Variants in WDR1 observed in about 807,000 individuals in gnomAD.
The protein encoded by WDR1 is WD repeat domain 1, also known as WD repeat-containing protein 1.
Under a neutral mutation model 71.9 loss-of-function variants are expected in WDR1, and 21 were observed. The ratio of observed to expected loss-of-function variants is 0.29; its 90% confidence interval spans 0.21 to 0.42. The LOEUF is 0.42. Ranked by LOEUF, WDR1 falls within the 10% of genes least tolerant of loss-of-function variation. The pLI is 1.00. For synonymous variants in WDR1, 424 were observed against 347.4 expected, an observed-to-expected ratio of 1.22 and a Z score of -2.45; for missense variants, 696 against 824.5, an observed-to-expected ratio of 0.84 and a Z score of 1.91.
intron 5 of WDR1, chr4:10,094,790 C>G (rs1712223132): frequency 6.6e-6 from 1 of 152,230 alleles, no homozygotes; most frequent in Non-Finnish European, 1.5e-5. Flanking sequence ...CAAATGAAGA[C>G]CAAAGCTGGG....
In WDR1 at chr4:10,077,462, G is replaced by T; in HGVS notation, c.1570-14C>A. The T allele has an allele frequency of 1.2e-6, 2 of 1,613,932 alleles. No individual in the cohort carries two copies. Among genetic ancestry groups the T allele is most frequent in the South Asian group, 1.1e-5 (1 of 91,078 alleles). ...AACATTGTTCTCCTAGTTGCAGGTT[G>T]AAAACAAGAGAGGTGGCAGGTCAGG... On this transcript the variant is annotated splice_polypyrimidine_tract_variant and intron_variant, in intron 13 of 14. Coordinates refer to ENST00000499869, the MANE Select transcript of WDR1 (RefSeq NM_017491.5).
intron 2 of WDR1, among the ~76,000 whole-genome samples, chr4:10,111,613 TG>T (rs1713369061): frequency 6.6e-6 from 1 of 152,158 alleles, no homozygotes; most frequent in Admixed American, 6.5e-5. Flanking sequence ...CACAGGCCAA[TG>T]GCCATCTGGA....
chr4:10,097,623 G>A (rs748086547), intron 5 of WDR1, 88 bp downstream of exon 5: 11 of 1,457,912 alleles, frequency 7.5e-6, no homozygotes, highest in Non-Finnish European at 1.0e-5. Flanking sequence ...ATGTGCTGTG[G>A]TCTCTGCCAT....
intron 6 of WDR1, 74 bp from the exon 7 acceptor site, chr4:10,088,447 G>A (rs1336723972): frequency 6.9e-7 from 1 of 1,439,106 alleles, no homozygotes; most frequent in Non-Finnish European, 9.6e-7. Context: ...TCCATGGACT[G>A]TGGCTGTAGA....
chr4:10,083,638 T>C, intron 9 of WDR1: 1 of 484,162 alleles, frequency 2.1e-6, no homozygotes, highest in Non-Finnish European at 4.1e-6. Context: ...AAAGGCAGTC[T>C]CCAACACAGC....
chr4:10,087,703 T>C lies in WDR1; in HGVS notation c.951+4A>G. ...GGCAGAGCCTTCCCCAGGGCAGGCC[T>C]TACCTTGATGACGTGCAGGGGCTTG... On this transcript the variant is annotated splice_donor_region_variant and intron_variant, in intron 8 of 14. Coordinates refer to ENST00000499869, the MANE Select transcript of WDR1 (RefSeq NM_017491.5). The C allele has an allele frequency of 6.3e-7, 1 of 1,582,328 alleles. No homozygotes were observed. The highest frequency in any genetic ancestry group is 8.6e-7 in the Non-Finnish European group (1 of 1,163,434).
chr4:10,087,990 G>A (rs772715952), intron 7 of WDR1, 50 bp from the exon 8 acceptor site: 5 of 1,488,930 alleles, frequency 3.4e-6, no homozygotes, highest in Non-Finnish European at 4.5e-6. Context: ...ACAGACTGGA[G>A]AGAGACCCCA....
chr4:10,078,507 G>A (rs748732625), intron 12 of WDR1: 6 of 196,336 alleles, frequency 3.1e-5, no homozygotes, highest in Non-Finnish European at 6.3e-5. Flanking sequence ...CCTGTGAGCC[G>A]AGCCCAGCCC....
chr4:10,107,264 T>G (rs947961223), intron 2 of WDR1, among the ~76,000 whole-genome samples: 1 of 152,164 alleles, frequency 6.6e-6, no homozygotes, highest in Admixed American at 6.5e-5. Context: ...AGGCTGCCGT[T>G]CAGTCCTCAC....
intron 2 of WDR1, among the ~76,000 whole-genome samples, chr4:10,113,370 G>A (rs1198910507): frequency 6.6e-6 from 1 of 152,102 alleles, no homozygotes; most frequent in Non-Finnish European, 1.5e-5. Context: ...AATTAAAAAA[G>A]AAAAACCAAA....
In WDR1 at chr4:10,075,396, C is replaced by T. The variant is rs1764762455; in HGVS notation, c.1803G>A (p.Glu601=). The part of the protein sequence containing the change: ...VTTSHDASVK[E]WTITY ...GGGCTCCTCAGTAGGTGATTGTCCACTCCTTGACAGAGGCATCATGGGAGG... is the reference window on the plus strand; with the variant it reads ...GGGCTCCTCAGTAGGTGATTGTCCATTCCTTGACAGAGGCATCATGGGAGG... Residue 601 remains glutamate (E), a synonymous_variant, in exon 15 of 15, where the codon GAG becomes GAA. Transcript: ENST00000499869. 1 of 1,613,822 alleles carries T rather than the reference C, an allele frequency of 6.2e-7. No homozygotes were observed. Among genetic ancestry groups the T allele is most frequent in the African/African-American group, 1.3e-5 (1 of 74,904 alleles).
chr4:10,097,565 T>C, intron 5 of WDR1, 146 bp downstream of exon 5: 1 of 976,130 alleles, frequency 1.0e-6, no homozygotes, highest in Non-Finnish European at 1.5e-6. Context: ...CCTCCCTCTC[T>C]CTGCACACCC....
chr4:10,080,063 A>C (rs1764953010), intron 11 of WDR1, among the ~76,000 whole-genome samples: 1 of 152,204 alleles, frequency 6.6e-6, no homozygotes, highest in Non-Finnish European at 1.5e-5. Flanking sequence ...AGGTAACAGC[A>C]GATCACAGAG....
chr4:10,111,407 C>T (rs1348843369), intron 2 of WDR1, among the ~76,000 whole-genome samples: 1 of 152,214 alleles, frequency 6.6e-6, no homozygotes, highest in Non-Finnish European at 1.5e-5. Context: ...CCCCACCACC[C>T]TCTGCTTCCC....
chr4:10,075,259 G>A lies in WDR1; in HGVS notation c.*119C>T. The A allele has an allele frequency of 2.4e-6, 2 of 823,426 alleles. No individual in the cohort carries two copies. The highest frequency in any genetic ancestry group is 2.1e-5 in the Admixed American group (1 of 48,070). The allele number at this position is 823,426 out of a possible 1,614,324, so 51.0% of individuals were successfully genotyped here. On this transcript the variant is annotated 3_prime_UTR_variant, in exon 15 of 15. Coordinates refer to ENST00000499869, the MANE Select transcript of WDR1 (RefSeq NM_017491.5). The stretch of plus-strand genomic sequence containing the variant: ...ACGAGGGTCATGACTGGGCCCTCCT[G>A]CCTCTTGTGGTGGGGTGGGGGCATG...
chr4:10,082,932 G>A (rs746257004), intron 10 of WDR1, 90 bp downstream of exon 10: 132 of 1,481,984 alleles, frequency 8.9e-5, no homozygotes, highest in Non-Finnish European at 1.0e-4. Flanking sequence ...CAAGTGAGGC[G>A]TCCTCCAGAA....
At chr4:10,083,281 C>G in intron 9 of WDR1, 103 bp from the exon 10 acceptor site, 2 of 1,392,090 alleles carry the variant, frequency 1.4e-6, no homozygotes, top group Non-Finnish European at 1.9e-6. Flanking sequence ...ATGAGAATCT[C>G]GCCGCAAACG....
intron 5 of WDR1, 46 bp from the exon 6 acceptor site, chr4:10,088,787 C>G (rs1017071641): frequency 4.8e-6 from 7 of 1,446,996 alleles, no homozygotes; most frequent in Non-Finnish European, 6.7e-6. Flanking sequence ...GCAGGCCTGA[C>G]TCTAGGTTCA....
chr4:10,080,354 G>C (rs899968365), intron 11 of WDR1, among the ~76,000 whole-genome samples: 1 of 137,016 alleles, frequency 7.3e-6, no homozygotes, highest in African/African-American at 2.6e-5. Flanking sequence ...TGCAGAGATA[G>C]GCCACCTGCC....
Sources: gnomAD v4.1 joint callset for allele counts (sites outside exome capture counted in the v4.1 genomes callset) on GRCh38, gnomAD v4.1.1 for gene constraint, MANE v1.5 for transcripts, NCBI Gene and HGNC (gene_info 2026-07-23, HGNC 2026-07-21) for gene names.